KLHL31: variants seen among roughly 807,000 people sequenced by gnomAD.
The protein encoded by KLHL31 is kelch like family member 31.
Under a neutral mutation model 47.1 loss-of-function variants are expected in KLHL31, and 32 were observed. The observed-to-expected ratio is 0.68, with a 90% confidence interval of 0.51 to 0.91. The LOEUF is 0.91. Ranked by LOEUF, KLHL31 falls within the 40% of genes least tolerant of loss-of-function variation. The pLI is 0.00. For missense variants in KLHL31, 797 were observed against 819.3 expected, an observed-to-expected ratio of 0.97 and a Z score of 0.33; for synonymous variants, 330 against 325.1, an observed-to-expected ratio of 1.01 and a Z score of -0.16.
rs200674886 is a variant in KLHL31 at position 53,655,315 on chromosome 6, G to A, written c.-33-10C>T. The A allele has an allele frequency of 0.098, 123,488 of 1,253,992 alleles. 5,336 individuals are homozygous for A. The highest frequency in any genetic ancestry group is 0.11 in the Non-Finnish European group (102,044 of 932,802). The allele number at this position is 1,253,992 out of a possible 1,614,324, so 77.7% of individuals were successfully genotyped here. ...TACAGGCAAGAGCTTGCTAAAAAGA[G>A]AAAAAAAAAAACATGGTTTTGTTTT... On this transcript the variant is annotated splice_polypyrimidine_tract_variant and intron_variant, in intron 1 of 2. Coordinates refer to ENST00000370905, the MANE Select transcript of KLHL31 (RefSeq NM_001003760.5).
rs756097342 is a variant in KLHL31, at chr6:53,651,857, G to T, written c.1646C>A (p.Ala549Glu). Residue 549 changes from alanine to glutamate, a missense_variant, in exon 3 of 3, where the codon GCG becomes GAG. Transcript: ENST00000370905. ...SPATGQWSYA[A>E]PLQVGVSTAG... ...AGTGCTCACTCCCACCTGCAGCGGC[G>T]CCGCGTAGCTCCACTGGCCGGTCGC... 22 of 1,604,278 alleles carry T rather than the reference G, an allele frequency of 1.4e-5. No individual in the cohort carries two copies. Among genetic ancestry groups the T allele is most frequent in the Non-Finnish European group, 1.3e-5 (15 of 1,178,880 alleles).
At chr6:53,652,424 C>G in intron 2 of KLHL31, 94 bp from the exon 3 acceptor site, 9 of 1,518,520 alleles carry the variant, frequency 5.9e-6, no homozygotes, top group East Asian at 2.3e-5. Flanking sequence ...CTGACACTAC[C>G]CCTGCAAGGA....
intron 1 of KLHL31, among the ~76,000 whole-genome samples, chr6:53,659,930 T>C (rs1764621826): frequency 6.6e-6 from 1 of 152,232 alleles, no homozygotes; most frequent in Non-Finnish European, 1.5e-5. Flanking sequence ...CTGCTCCTGG[T>C]GTTCCCACTG....
chr6:53,654,990 T>C lies in KLHL31; in HGVS notation c.283A>G (p.Ser95Gly), dbSNP rs1227064062. The change falls in exon 2 of 3, where the codon AGT becomes GGT. Residue 95 changes from serine to glycine, a missense_variant. By Grantham distance (56) the Ser-to-Gly change is moderately conservative (BLOSUM62 0). Coordinates refer to ENST00000370905, the MANE Select transcript of KLHL31 (RefSeq NM_001003760.5). ...TTTAGGATGTTGTAAAAATACTCAC[T>C]GCATGAAGCCATGACTGACTTATGA... is the stretch of plus-strand genomic sequence containing the variant. ...DVHKSVMASC[S>G]EYFYNILKKD... The C allele has an allele frequency of 6.2e-7, 1 of 1,614,086 alleles. No homozygotes were observed. The highest frequency in any genetic ancestry group is 8.5e-7 in the Non-Finnish European group (1 of 1,180,030).
intron 1 of KLHL31, among the ~76,000 whole-genome samples, chr6:53,660,112 A>G (rs1452514657): frequency 2.0e-5 from 3 of 152,056 alleles, no homozygotes; most frequent in African/African-American, 7.2e-5. Context: ...TTTTTCCCGG[A>G]TATGCATGGT....
At chr6:53,656,115 A>C (rs1206164458) in intron 1 of KLHL31, among the ~76,000 whole-genome samples, 1 of 151,202 alleles carries the variant, frequency 6.6e-6, no homozygotes, top group Non-Finnish European at 1.5e-5. Flanking sequence ...ATTTTAAGAG[A>C]TATATATACT....
intron 1 of KLHL31, among the ~76,000 whole-genome samples, chr6:53,661,131 T>C (rs1764639050): frequency 6.6e-6 from 1 of 152,220 alleles, no homozygotes; most frequent in Admixed American, 6.5e-5. Flanking sequence ...TATGTCCTAA[T>C]AAATGCTCTG....
At chr6:53,657,782 C>T (rs565146327) in intron 1 of KLHL31, among the ~76,000 whole-genome samples, 2 of 152,108 alleles carry the variant, frequency 1.3e-5, no homozygotes, top group South Asian at 4.1e-4. Flanking sequence ...GTATTTGCTC[C>T]TGTTCCTATC....
At position 53,648,604 on chromosome 6, in the gene KLHL31, T is replaced by C. The variant is rs1054828944; in HGVS notation, c.*2994A>G. On this transcript the variant is annotated 3_prime_UTR_variant, in exon 3 of 3. Coordinates refer to ENST00000370905, the MANE Select transcript of KLHL31 (RefSeq NM_001003760.5). ...GTACTCACTTCCTCATGACATCAATTATACCTCCTCACTCATAACACTTCA... is the reference window on the plus strand; with the variant it reads ...GTACTCACTTCCTCATGACATCAATCATACCTCCTCACTCATAACACTTCA... 6.6e-6 allele frequency: 1 copy of C among 152,188 alleles called. No homozygotes were observed. Among genetic ancestry groups the C allele is most frequent in the African/African-American group, 2.4e-5 (1 of 41,450 alleles). The allele number at this position is 152,188 out of a possible 1,614,324, so 9.4% of individuals were successfully genotyped here. A position where few individuals can be genotyped will look rare whatever the true frequency, so the allele number is the denominator to read the frequency against.
Position 53,651,793 on chromosome 6 carries a change from C to A in KLHL31, c.1710G>T (p.Val570=), listed in dbSNP as rs948424824. 2 of 1,613,540 alleles carry A rather than the reference C, an allele frequency of 1.2e-6. No homozygotes were observed. The highest frequency in any genetic ancestry group is 1.7e-6 in the Non-Finnish European group (2 of 1,180,030). Residue 570 remains valine (V), a synonymous_variant, in exon 3 of 3, where the codon GTG becomes GTT. Transcript: ENST00000370905. ...VSALHGRAYL[V]GGWNEGEKKY... ...TCTTCTCGCCCTCGTTCCAGCCCCCCACCAGGTAGGCGCGGCCATGCAGCG... is the reference window on the plus strand; with the variant it reads ...TCTTCTCGCCCTCGTTCCAGCCCCCAACCAGGTAGGCGCGGCCATGCAGCG...
intron 1 of KLHL31, among the ~76,000 whole-genome samples, chr6:53,662,326 G>T (rs1228692538): frequency 6.6e-6 from 1 of 152,188 alleles, no homozygotes; most frequent in Non-Finnish European, 1.5e-5. Flanking sequence ...AGGACTGTTG[G>T]TGGCTTGCAC....
At position 53,663,814 on chromosome 6, in the gene KLHL31, G is replaced by A. The variant is rs116494422; in HGVS notation, c.-34+1787C>T. On this transcript the variant is annotated intron_variant, in intron 1 of 2. Transcript: ENST00000370905. Reference sequence around the variant, plus strand: ...TTAGAAATTGAGTTTTAAGACTGATGCCTTTTTGATTATCATAGAACTGAA... The same window carrying A: ...TTAGAAATTGAGTTTTAAGACTGATACCTTTTTGATTATCATAGAACTGAA... Among the ~76,000 whole-genome samples, 1,499 of 152,228 alleles carry A rather than the reference G, an allele frequency of 9.8e-3. 25 individuals are homozygous for A. Among genetic ancestry groups the A allele is most frequent in the African/African-American group, 0.034 (1,423 of 41,544 alleles).
chr6:53,661,737 A>T (rs1289371171), intron 1 of KLHL31, among the ~76,000 whole-genome samples: 3 of 152,214 alleles, frequency 2.0e-5, no homozygotes, highest in Non-Finnish European at 4.4e-5. Context: ...GTTTTATTCT[A>T]CGATGATACA....
Position 53,651,419 on chromosome 6 carries a change from A to AAAAAAAAAAAAAAAATGTT in KLHL31, c.*178_*179insAACATTTTTTTTTTTTTTT. Reference sequence around the variant, plus strand: ...TTTGCTAAAAAAAAAAAAAAAAAAAAGAGGTAGATTATGCCATACCAGGAA... The same window carrying AAAAAAAAAAAAAAAATGTT: ...TTTGCTAAAAAAAAAAAAAAAAAAAAAAAAAAAAAAAAAAATGTTGAGGTAGATTATGCCATACCAGGAA... On this transcript the variant is annotated 3_prime_UTR_variant, in exon 3 of 3. Coordinates refer to ENST00000370905, the MANE Select transcript of KLHL31 (RefSeq NM_001003760.5). 2.8e-6 allele frequency: 1 copy of AAAAAAAAAAAAAAAATGTT among 358,180 alleles called. No homozygotes were observed. 22.2% of individuals were successfully genotyped at this position (358,180 alleles called of 1,614,324 possible). A position where few individuals can be genotyped will look rare whatever the true frequency, so the allele number is the denominator to read the frequency against.
chr6:53,660,767 A>G (rs2127370365), intron 1 of KLHL31, among the ~76,000 whole-genome samples: 1 of 152,346 alleles, frequency 6.6e-6, no homozygotes, highest in African/African-American at 2.4e-5. Context: ...CAGTGAGCTG[A>G]TATTGCACCA....
Position 53,654,971 on chromosome 6 carries a change from A to T in KLHL31, c.302T>A (p.Ile101Asn). 6.2e-7 allele frequency: 1 copy of T among 1,614,094 alleles called. No homozygotes were observed. The highest frequency in any genetic ancestry group is 8.5e-7 in the Non-Finnish European group (1 of 1,179,988). ...MASCSEYFYN[I>N]LKKDPSIQRV... ...CTGAATTGACGGGTCTTTTTTTAGG[A>T]TGTTGTAAAAATACTCACTGCATGA... is the stretch of plus-strand genomic sequence containing the variant. Residue 101 changes from isoleucine to asparagine, a missense_variant, in exon 2 of 3, where the codon ATC becomes AAC. By Grantham distance (149) the Ile-to-Asn change is moderately radical. Transcript: ENST00000370905.
chr6:53,651,031 A>T lies in KLHL31; in HGVS notation c.*567T>A, dbSNP rs1031192257. On this transcript the variant is annotated 3_prime_UTR_variant, in exon 3 of 3. Transcript: ENST00000370905. ...TTGTTTTAAGCTTTATTACGTTGTCATGGGATATCTTTCAAAATCCTTTAC... is the reference window on the plus strand; with the variant it reads ...TTGTTTTAAGCTTTATTACGTTGTCTTGGGATATCTTTCAAAATCCTTTAC... The T allele has an allele frequency of 1.3e-5, 2 of 152,200 alleles. No individual in the cohort carries two copies. Among genetic ancestry groups the T allele is most frequent in the African/African-American group, 4.8e-5 (2 of 41,438 alleles). 9.4% of individuals were successfully genotyped at this position (152,200 alleles called of 1,614,324 possible).
At chr6:53,661,514 G>T (rs1561987072) in intron 1 of KLHL31, among the ~76,000 whole-genome samples, 1 of 152,022 alleles carries the variant, frequency 6.6e-6, no homozygotes, top group Non-Finnish European at 1.5e-5. Context: ...GTCATAAAAG[G>T]CCAGCAAAGT....
rs759779319 is a variant in KLHL31, at chr6:53,654,940, C to T, written c.333G>A (p.Val111=). The change falls in exon 2 of 3, where the codon GTG becomes GTA. Residue 111 remains valine (V), a synonymous_variant. Transcript: ENST00000370905. The part of the protein sequence containing the change: ...ILKKDPSIQR[V]DLNDISPLGL... ...CTAGTGGTGAGATATCATTGAGATC[C>T]ACCCTCTGAATTGACGGGTCTTTTT... 3.1e-6 allele frequency: 5 copies of T among 1,614,120 alleles called. No homozygotes were observed. The South Asian group carries it at 3.3e-5, about 11-fold the overall frequency.
Sources: allele counts gnomAD v4.1 joint callset (sites outside exome capture counted in the v4.1 genomes callset), GRCh38; gene constraint gnomAD v4.1.1; transcripts MANE v1.5; gene names NCBI Gene and HGNC (gene_info 2026-07-23, HGNC 2026-07-21).